Variants in TRDN observed in about 807,000 individuals in gnomAD.
The protein encoded by TRDN is triadin in skeletal muscle.
Under a neutral mutation model 149.7 loss-of-function variants are expected in TRDN, and 161 were observed. The ratio of observed to expected loss-of-function variants is 1.08; its 90% confidence interval spans 0.95 to 1.23. TRDN has a LOEUF of 1.23. Among genes scored for constraint, TRDN ranks in the 50% most tolerant of loss-of-function variants. The pLI, the probability that TRDN is intolerant of heterozygous loss-of-function variation, is 0.00. For synonymous variants in TRDN, 294 were observed against 250.5 expected, an observed-to-expected ratio of 1.17 and a Z score of -1.64; for missense variants, 896 against 823.5, an observed-to-expected ratio of 1.09 and a Z score of -1.08.
chr6:123,628,812 G>A (rs779419688), intron 1 of TRDN, among the ~76,000 whole-genome samples: 5 of 151,936 alleles, frequency 3.3e-5, no homozygotes, highest in South Asian at 2.1e-4. Flanking sequence ...AATTTGGTAC[G>A]TAATAGGTAT....
chr6:123,582,974 G>A (rs1331630163), intron 1 of TRDN, among the ~76,000 whole-genome samples: 1 of 152,106 alleles, frequency 6.6e-6, no homozygotes, highest in Non-Finnish European at 1.5e-5. Context: ...AGAAGTATTG[G>A]TGATGGCCTG....
intron 12 of TRDN, among the ~76,000 whole-genome samples, chr6:123,422,462 G>A (rs1207729791): frequency 1.3e-5 from 2 of 152,092 alleles, no homozygotes; most frequent in Non-Finnish European, 2.9e-5. Flanking sequence ...AGTTATGGGA[G>A]ATGGGAAAAG....
chr6:123,219,882 T>C (rs534670989), intron 40 of TRDN, among the ~76,000 whole-genome samples: 90 of 151,972 alleles, frequency 5.9e-4, no homozygotes, highest in African/African-American at 2.1e-3. Flanking sequence ...GGAAATCCAT[T>C]GCTAAAAGTA....
intron 16 of TRDN, among the ~76,000 whole-genome samples, chr6:123,380,830 G>T (rs1156274968): frequency 3.3e-5 from 5 of 151,410 alleles, no homozygotes. Context: ...TTAGCACACA[G>T]TCTTAATAGT....
intron 32 of TRDN, among the ~76,000 whole-genome samples, chr6:123,266,223 G>GTATTATATATTATATATATTATAATATA (rs1209010725): frequency 4.8e-5 from 3 of 62,416 alleles, no homozygotes; most frequent in Non-Finnish European, 8.4e-5. Context: ...ATTATAATAT[G>GTATTATATATTATATATATTATAATATA]TATTATATAT....
intron 10 of TRDN, among the ~76,000 whole-genome samples, chr6:123,461,384 T>C (rs1776439457): frequency 6.6e-6 from 1 of 152,210 alleles, no homozygotes; most frequent in Admixed American, 6.5e-5. Flanking sequence ...GGGTACTTGA[T>C]AGTAATTCAC....
chr6:123,371,033 A>G (rs986246806), intron 19 of TRDN, among the ~76,000 whole-genome samples: 11 of 150,596 alleles, frequency 7.3e-5, no homozygotes, highest in African/African-American at 2.7e-4. Flanking sequence ...TCTTTATTGC[A>G]TTTATTGATA....
At chr6:123,258,924 T>C (rs1582787902) in intron 35 of TRDN, among the ~76,000 whole-genome samples, 1 of 152,188 alleles carries the variant, frequency 6.6e-6, no homozygotes, top group Non-Finnish European at 1.5e-5. Flanking sequence ...TTTATTTACA[T>C]AGAGGTGTTT....
intron 8 of TRDN, chr6:123,502,554 T>C: frequency 3.0e-6 from 3 of 983,626 alleles, no homozygotes; most frequent in Non-Finnish European, 3.6e-6. Context: ...ATACTACATG[T>C]GAATCAAAGT....
At chr6:123,592,021 T>C (rs1274067916) in intron 1 of TRDN, among the ~76,000 whole-genome samples, 1 of 152,130 alleles carries the variant, frequency 6.6e-6, no homozygotes, top group East Asian at 1.9e-4. Flanking sequence ...AAAGAACCAA[T>C]TTTCTGAAGT....
At chr6:123,349,987 G>A in intron 21 of TRDN, 2 of 985,278 alleles carry the variant, frequency 2.0e-6, no homozygotes, top group South Asian at 4.7e-5. Flanking sequence ...TCTTCAAGTG[G>A]ACACAAATTA....
chr6:123,269,895 A>C, intron 30 of TRDN, 29 bp from the exon 31 acceptor site: 4 of 1,607,598 alleles, frequency 2.5e-6, no homozygotes, highest in Non-Finnish European at 2.6e-6. Context: ...AGCACATGGC[A>C]TATTGATGAG....
At position 123,617,195 on chromosome 6, in the gene TRDN, C is replaced by A. The variant is rs762758264; in HGVS notation, c.22+19559G>T. ...TTCCTGATGTGTGCCAGCCCAGGAA[C>A]GTGAAGGATACCCATTCCAAAGTAG... On this transcript the variant is annotated intron_variant, in intron 1 of 40. Transcript: ENST00000334268. Among the ~76,000 whole-genome samples, 69 of 152,006 alleles carry A rather than the reference C, an allele frequency of 4.5e-4. 2 individuals carry two copies. Among genetic ancestry groups the A allele is most frequent in the Non-Finnish European group, 8.8e-5 (6 of 68,020 alleles).
At chr6:123,625,742 C>T (rs933592550) in intron 1 of TRDN, among the ~76,000 whole-genome samples, 1 of 152,062 alleles carries the variant, frequency 6.6e-6, no homozygotes, top group African/African-American at 2.4e-5. Context: ...TCTGAGCCAA[C>T]AAGATTGAAA....
chr6:123,609,598 A>G (rs1722436757), intron 1 of TRDN, among the ~76,000 whole-genome samples: 1 of 152,178 alleles, frequency 6.6e-6, no homozygotes, highest in African/African-American at 2.4e-5. Flanking sequence ...GGCAAAACAC[A>G]GATGGAACAA....
intron 20 of TRDN, 49 bp from the exon 21 acceptor site, chr6:123,352,635 G>A: frequency 6.4e-7 from 1 of 1,562,822 alleles, no homozygotes. Flanking sequence ...CAGAAATACT[G>A]CTTCTGCTCA....
chr6:123,604,132 A>G (rs1784408214), intron 1 of TRDN, among the ~76,000 whole-genome samples: 1 of 152,188 alleles, frequency 6.6e-6, no homozygotes, highest in Non-Finnish European at 1.5e-5. Context: ...GGACACAGAA[A>G]AACAAGATCT....
chr6:123,322,016 G>T (rs536095366), intron 23 of TRDN, among the ~76,000 whole-genome samples: 1 of 152,218 alleles, frequency 6.6e-6, no homozygotes, highest in South Asian at 2.1e-4. Context: ...CATCTTATCT[G>T]GCTGTACATT....
intron 24 of TRDN, among the ~76,000 whole-genome samples, chr6:123,298,984 G>A (rs1421154786): frequency 2.0e-5 from 3 of 152,006 alleles, no homozygotes; most frequent in South Asian, 4.1e-4. Flanking sequence ...CCATGTTTAG[G>A]TGTGACTATT....
Sources: allele counts gnomAD v4.1 joint callset (sites outside exome capture counted in the v4.1 genomes callset), GRCh38; gene constraint gnomAD v4.1.1; transcripts MANE v1.5; gene names NCBI Gene and HGNC (gene_info 2026-07-23, HGNC 2026-07-21).